The following ZC3H13 variants were observed in gnomAD, a reference collection of about 807,000 sequenced individuals.
ZC3H13 encodes the protein zinc finger CCCH-type containing 13.
Under a neutral mutation model 204.1 loss-of-function variants are expected in ZC3H13, and 64 were observed. The observed-to-expected ratio is 0.31, with a 90% confidence interval of 0.26 to 0.39. The LOEUF is 0.39. Among genes scored for constraint, ZC3H13 ranks in the 10% least tolerant of loss-of-function variants. The probability of loss-of-function intolerance (pLI) is 1.00; values close to 1 mark genes in which losing one functional copy is unlikely to be tolerated. For missense variants in ZC3H13, 1,833 were observed against 2,082.7 expected (o/e 0.88, Z 2.33); for synonymous variants, 667 against 693.7 (o/e 0.96, Z 0.60).
intron 18 of ZC3H13, among the ~76,000 whole-genome samples, chr13:45,958,742 G>A (rs1266131806): frequency 1.4e-5 from 2 of 143,220 alleles, no homozygotes; most frequent in African/African-American, 2.6e-5. Context: ...TGCAAGCTCC[G>A]CCTCCTGGTT....
At chr13:45,963,426 G>GT (rs540293979) in intron 17 of ZC3H13, 120,083 of 537,176 alleles carry the variant, frequency 0.22, 3 homozygotes, top group Non-Finnish European at 0.26. Context: ...TGGTTAATTT[G>GT]TTTTTTTTTT....
intron 7 of ZC3H13, 42 bp from the exon 8 acceptor site, chr13:46,003,378 C>G (rs1211464824): frequency 6.5e-7 from 1 of 1,550,346 alleles, no homozygotes; most frequent in Non-Finnish European, 8.7e-7. Context: ...TCAAATATGC[C>G]AAAAGGATAT....
Position 46,006,081 on chromosome 13 carries a change from T to TG in ZC3H13, c.747-2746_747-2745insC, listed in dbSNP as rs1281425987. On this transcript the variant is annotated intron_variant, in intron 7 of 18. Coordinates refer to ENST00000679008, the MANE Select transcript of ZC3H13 (RefSeq NM_001330564.2). ...GCCTGGGTGACAGAGTGGGACTCTG[T>TG]CCCAAAAAAAAAAAAAAAAGTTGTT... Among the ~76,000 whole-genome samples the TG allele has an allele frequency of 3.8e-3, 226 of 60,146 alleles. 1 individual carries two copies. Among genetic ancestry groups the TG allele is most frequent in the African/African-American group, 0.02 (218 of 10,806 alleles). The allele number at this position is 60,146 out of a possible 152,430, so 39.5% of individuals were successfully genotyped here.
At chr13:45,990,474 A>T (rs7331069) in intron 8 of ZC3H13, among the ~76,000 whole-genome samples, 114,044 of 152,088 alleles carry the variant, frequency 0.75, 43,253 homozygotes, top group African/African-American at 0.85. Context: ...ATGAAAAGTC[A>T]GCTAACTAGA....
chr13:46,038,234 A>G (rs1413953265), intron 4 of ZC3H13, among the ~76,000 whole-genome samples: 1 of 152,110 alleles, frequency 6.6e-6, no homozygotes, highest in Non-Finnish European at 1.5e-5. Context: ...CCTCAAACAC[A>G]TTAGTCCTTT....
At chr13:45,974,390 G>A (rs1354064123) in intron 12 of ZC3H13, among the ~76,000 whole-genome samples, 1 of 152,148 alleles carries the variant, frequency 6.6e-6, no homozygotes, top group Non-Finnish European at 1.5e-5. Flanking sequence ...AATACAGAGG[G>A]AAACTGGAGA....
In ZC3H13 at chr13:45,969,622, A is replaced by G. The variant is rs1386361924; in HGVS notation, c.2922T>C (p.Asp974=). The change falls in exon 14 of 19, where the codon GAT becomes GAC. Residue 974 remains aspartate, a synonymous_variant. Transcript: ENST00000679008. ...CTATGTTACCCCTCTCTATTCCAAC[A>G]TCATCCTCTTTCTTTTTCTTAATTG... ...KKPIKKKKED[D]VGIERGNIET... 2 of 1,609,768 alleles carry G rather than the reference A, an allele frequency of 1.2e-6. No individual in the cohort carries two copies. Among genetic ancestry groups the G allele is most frequent in the Non-Finnish European group, 1.7e-6 (2 of 1,179,128 alleles).
chr13:46,011,415 C>A lies in ZC3H13; in HGVS notation c.588G>T (p.Glu196Asp). The change falls in exon 6 of 19, where the codon GAG (glutamate) becomes GAT (aspartate). Residue 196 changes from glutamate to aspartate, a missense_variant and splice_region_variant. This residue lies in a region of ZC3H13 where 1,574 missense variants were observed against 1,757.2 expected (regional missense o/e 0.90). Coordinates refer to ENST00000679008, the MANE Select transcript of ZC3H13 (RefSeq NM_001330564.2). The stretch of plus-strand genomic sequence containing the variant: ...ATATTTATTGCAATAAATAGCATAC[C>A]TCCTTTTTAATGATAATTTCTTCTC... Reference protein sequence around the residue: ...EKREEIIIKKEVSPEVVRSKL... With the variant: ...EKREEIIIKKDVSPEVVRSKL... 1 of 1,601,782 alleles carries A rather than the reference C, an allele frequency of 6.2e-7. No homozygotes were observed. The highest frequency in any genetic ancestry group is 8.5e-7 in the Non-Finnish European group (1 of 1,175,292).
At chr13:46,020,872 T>C (rs2042180664) in intron 4 of ZC3H13, among the ~76,000 whole-genome samples, 1 of 152,016 alleles carries the variant, frequency 6.6e-6, no homozygotes, top group Non-Finnish European at 1.5e-5. Context: ...GATGTAAAAA[T>C]ATACAATGCA....
At chr13:46,028,265 C>G (rs1007796300) in intron 4 of ZC3H13, among the ~76,000 whole-genome samples, 31 of 152,124 alleles carry the variant, frequency 2.0e-4, no homozygotes, top group African/African-American at 7.5e-4. Flanking sequence ...GACGTCCAGT[C>G]TGCAAAAATA....
intron 1 of ZC3H13, 112 bp from the exon 2 acceptor site, chr13:46,045,628 A>G (rs537930919): frequency 2.7e-6 from 2 of 733,968 alleles, no homozygotes; most frequent in African/African-American, 3.5e-5. Context: ...ATTACAGGAG[A>G]TTTTCCTTGG....
chr13:46,047,335 A>AT (rs1171844276), intron 1 of ZC3H13, among the ~76,000 whole-genome samples: 1 of 152,178 alleles, frequency 6.6e-6, no homozygotes, highest in African/African-American at 2.4e-5. Context: ...ATTTTTAGTG[A>AT]TTTTAAAAAC....
chr13:45,967,326 A>T (rs115358949), intron 15 of ZC3H13, among the ~76,000 whole-genome samples, 178 bp downstream of exon 15: 1,642 of 152,286 alleles, frequency 0.011, 13 homozygotes, highest in African/African-American at 0.024. Flanking sequence ...ACATTAAAAA[A>T]ATATATATAT....
chr13:46,036,921 G>A (rs568058363), intron 4 of ZC3H13, among the ~76,000 whole-genome samples: 20 of 152,118 alleles, frequency 1.3e-4, no homozygotes, highest in African/African-American at 4.6e-4. Context: ...GTTTTGCTAT[G>A]TTGGCCAGTC....
chr13:46,018,192 C>G (rs57192057), intron 5 of ZC3H13, among the ~76,000 whole-genome samples: 113,479 of 151,478 alleles, frequency 0.75, 42,978 homozygotes, highest in African/African-American at 0.85. Flanking sequence ...ATGCTGCAGA[C>G]GGCCATTTAG....
rs1952916535 is a variant in ZC3H13, at chr13:45,975,188, A to G, written c.2468+95T>C. The G allele has an allele frequency of 2.7e-6, 4 of 1,491,298 alleles. No homozygotes were observed. In the South Asian group the frequency reaches 4.2e-5, roughly 16 times the overall value. 92.4% of individuals were successfully genotyped at this position (1,491,298 alleles called of 1,614,324 possible). On this transcript the variant is annotated intron_variant, in intron 12 of 18. Coordinates refer to ENST00000679008, the MANE Select transcript of ZC3H13 (RefSeq NM_001330564.2). ...GAAAATATACAGAGAAAAAAAATTA[A>G]CAGGAAATTAAGAGTATATTGAAAA... is the stretch of plus-strand genomic sequence containing the variant.
intron 3 of ZC3H13, among the ~76,000 whole-genome samples, chr13:46,043,993 A>C (rs2139173311): frequency 6.6e-6 from 1 of 152,128 alleles, no homozygotes; most frequent in African/African-American, 2.4e-5. Context: ...TAATCTTCCC[A>C]CATTAACGGA....
In ZC3H13 at chr13:45,969,970, A is replaced by G; in HGVS notation, c.2574T>C (p.Asn858=). Residue 858 remains asparagine, a splice_region_variant and synonymous_variant, in exon 14 of 19, where the codon AAT becomes AAC. Transcript: ENST00000679008. Reference sequence around the variant, plus strand: ...CTTGGCTCAAGAGTCTGTGTTTTTCATCTATATAAAAGATAAAAGCAATCA... The same window carrying G: ...CTTGGCTCAAGAGTCTGTGTTTTTCGTCTATATAAAAGATAAAAGCAATCA... The part of the protein sequence containing the change: ...SDAYNSGDDK[N]EKHRLLSQVV... 1 of 1,603,126 alleles carries G rather than the reference A, an allele frequency of 6.2e-7. No individual in the cohort carries two copies.
At chr13:45,961,847 A>G (rs1447287197) in intron 17 of ZC3H13, among the ~76,000 whole-genome samples, 2 of 152,092 alleles carry the variant, frequency 1.3e-5, no homozygotes, top group East Asian at 3.9e-4. Flanking sequence ...GTACCCCACA[A>G]ATATATACAC....
Sources: allele counts gnomAD v4.1 joint callset (sites outside exome capture counted in the v4.1 genomes callset), GRCh38; gene constraint gnomAD v4.1.1; regional missense constraint gnomAD v4.1.1; transcripts MANE v1.5; gene names NCBI Gene and HGNC (gene_info 2026-07-23, HGNC 2026-07-21).